ERGIC1: variants seen among roughly 807,000 people sequenced by gnomAD.
The protein encoded by ERGIC1 is endoplasmic reticulum-Golgi intermediate compartment protein 1.
Under a neutral mutation model 38.3 loss-of-function variants are expected in ERGIC1, and 19 were observed. The observed-to-expected ratio is 0.50, with a 90% confidence interval of 0.35 to 0.73. The LOEUF (loss-of-function observed/expected upper bound fraction) is 0.73, where lower values mean the gene tolerates loss of function less well. ERGIC1 is among the 30% of genes least tolerant of loss of function. The pLI is 0.01. For missense variants in ERGIC1, 294 were observed against 389.2 expected (o/e 0.76, Z 2.06); for synonymous variants, 124 against 157.6 (o/e 0.79, Z 1.60).
intron 5 of ERGIC1, chr5:172,916,426 C>T (rs879546791): frequency 6.6e-6 from 1 of 152,154 alleles, no homozygotes; most frequent in Non-Finnish European, 1.5e-5. Context: ...GATGGAAAGC[C>T]ATTTGAGGGT....
chr5:172,871,467 A>G (rs1435017616), intron 1 of ERGIC1, among the ~76,000 whole-genome samples: 1 of 152,224 alleles, frequency 6.6e-6, no homozygotes, highest in Non-Finnish European at 1.5e-5. Flanking sequence ...GGGCCCTGGC[A>G]TTACACTATT....
chr5:172,852,249 G>A (rs1157325416), intron 1 of ERGIC1, among the ~76,000 whole-genome samples: 2 of 152,186 alleles, frequency 1.3e-5, no homozygotes, highest in Non-Finnish European at 2.9e-5. Flanking sequence ...AAAGAGTGAG[G>A]CCCAGAGGCA....
At chr5:172,942,296 C>A (rs1764027776) in intron 9 of ERGIC1, among the ~76,000 whole-genome samples, 5 of 152,080 alleles carry the variant, frequency 3.3e-5, no homozygotes, top group Admixed American at 3.3e-4. Context: ...GAAAAATGAC[C>A]ATCTTGGCCC....
intron 1 of ERGIC1, among the ~76,000 whole-genome samples, chr5:172,884,244 GTTTTTTTTTTT>G (rs71579704): frequency 5.5e-5 from 5 of 90,620 alleles, no homozygotes; most frequent in African/African-American, 1.7e-4. Context: ...GGAACCCCAA[GTTTTTTTTTTT>G]TTTTTTTTTT....
intron 4 of ERGIC1, among the ~76,000 whole-genome samples, chr5:172,913,124 C>G (rs1386023529): frequency 6.6e-6 from 1 of 152,234 alleles, no homozygotes; most frequent in African/African-American, 2.4e-5. Context: ...GAAACTGAGG[C>G]ACAGAGATTA....
intron 1 of ERGIC1, among the ~76,000 whole-genome samples, chr5:172,858,251 T>C (rs1179547610): frequency 2.0e-5 from 3 of 152,196 alleles, no homozygotes; most frequent in Non-Finnish European, 4.4e-5. Context: ...CTGAAGCGGC[T>C]GCTGGACAGA....
intron 8 of ERGIC1, 52 bp from the exon 9 acceptor site, chr5:172,935,136 G>T: frequency 1.2e-6 from 2 of 1,611,292 alleles, no homozygotes; most frequent in Non-Finnish European, 1.7e-6. Flanking sequence ...TCCAGTCCCC[G>T]CCCCCCCTGA....
chr5:172,875,192 A>T (rs1376167325), intron 1 of ERGIC1, among the ~76,000 whole-genome samples: 1 of 152,144 alleles, frequency 6.6e-6, no homozygotes, highest in African/African-American at 2.4e-5. Context: ...GGACTAGAAG[A>T]GGTTTAAATA....
chr5:172,868,505 A>C (rs1761925500), intron 1 of ERGIC1, among the ~76,000 whole-genome samples: 1 of 152,228 alleles, frequency 6.6e-6, no homozygotes, highest in East Asian at 1.9e-4. Flanking sequence ...GAAAAGGCAA[A>C]ACTATGGAGA....
At chr5:172,924,889 A>G (rs1279259830) in intron 6 of ERGIC1, among the ~76,000 whole-genome samples, 1 of 152,212 alleles carries the variant, frequency 6.6e-6, no homozygotes, top group East Asian at 1.9e-4. Flanking sequence ...GAGGACAAAC[A>G]TGGTCCCTGC....
At chr5:172,939,021 C>CCA (rs1397900971) in intron 9 of ERGIC1, among the ~76,000 whole-genome samples, 9 of 152,050 alleles carry the variant, frequency 5.9e-5, no homozygotes, top group African/African-American at 1.9e-4. Context: ...CGAGATCACG[C>CCA]CACTGCACTC....
intron 2 of ERGIC1, among the ~76,000 whole-genome samples, chr5:172,890,116 G>C (rs28367489): frequency 0.022 from 3,325 of 152,274 alleles, 120 homozygotes; most frequent in African/African-American, 0.076. Context: ...AGGTTGGCAT[G>C]ACCAGTGATA....
At chr5:172,948,722 A>T (rs755196069) in intron 9 of ERGIC1, among the ~76,000 whole-genome samples, 31 of 152,166 alleles carry the variant, frequency 2.0e-4, no homozygotes, top group Non-Finnish European at 4.3e-4. Context: ...TAAATGACAT[A>T]AAGTAGATGC....
At chr5:172,878,631 A>G (rs1376194834) in intron 1 of ERGIC1, among the ~76,000 whole-genome samples, 1 of 152,248 alleles carries the variant, frequency 6.6e-6, no homozygotes, top group Admixed American at 6.5e-5. Flanking sequence ...GGAGACAGAG[A>G]TGGACCTTTT....
At chr5:172,870,366 A>G (rs976495480) in intron 1 of ERGIC1, among the ~76,000 whole-genome samples, 2 of 152,110 alleles carry the variant, frequency 1.3e-5, no homozygotes, top group African/African-American at 4.8e-5. Flanking sequence ...CACAGGCCAC[A>G]CCCAGCCCAC....
At chr5:172,862,307 CAAAA>C (rs58968820) in intron 1 of ERGIC1, among the ~76,000 whole-genome samples, 7 of 49,490 alleles carry the variant, frequency 1.4e-4, no homozygotes, top group African/African-American at 4.1e-4. Flanking sequence ...GACTACATCT[CAAAA>C]AAAAAAAAAA....
chr5:172,897,200 G>T, intron 3 of ERGIC1, 126 bp downstream of exon 3: 1 of 810,392 alleles, frequency 1.2e-6, no homozygotes. Context: ...AGGCCGAGGC[G>T]GGCGGATCAC....
intron 3 of ERGIC1, chr5:172,906,177 G>A (rs1237688607): frequency 8.8e-6 from 4 of 456,192 alleles, no homozygotes; most frequent in Middle Eastern, 3.3e-4. Flanking sequence ...AAGGTCAAGC[G>A]CAGGTCCGTG....
At chr5:172,944,924 C>T (rs906942777) in intron 9 of ERGIC1, among the ~76,000 whole-genome samples, 3 of 152,244 alleles carry the variant, frequency 2.0e-5, no homozygotes, top group Admixed American at 6.5e-5. Flanking sequence ...CACCCCTGAG[C>T]GAGTCACCTT....
Sources: allele counts gnomAD v4.1 joint callset (sites outside exome capture counted in the v4.1 genomes callset), GRCh38; gene constraint gnomAD v4.1.1; transcripts MANE v1.5; gene names NCBI Gene and HGNC (gene_info 2026-07-23, HGNC 2026-07-21).